MTHFD1: variants seen among roughly 807,000 people sequenced by gnomAD.
The protein encoded by MTHFD1 is methylenetetrahydrofolate dehydrogenase, cyclohydrolase and formyltetrahydrofolate synthetase 1.
Under a neutral mutation model 110.3 loss-of-function variants are expected in MTHFD1, and 44 were observed. That is an observed-to-expected ratio of 0.40 (90% CI 0.31 to 0.51). MTHFD1 has a LOEUF of 0.51. MTHFD1 is among the 20% of genes least tolerant of loss of function. The probability of loss-of-function intolerance (pLI) is 0.60; values close to 1 mark genes in which losing one functional copy is unlikely to be tolerated. For missense variants in MTHFD1, 909 were observed against 1,173.1 expected (o/e 0.77, Z 3.29); for synonymous variants, 402 against 428.8 (o/e 0.94, Z 0.77).
intron 6 of MTHFD1, among the ~76,000 whole-genome samples, chr14:64,416,775 A>T (rs1268099825): frequency 2.0e-5 from 3 of 152,198 alleles, no homozygotes; most frequent in Non-Finnish European, 2.9e-5. Flanking sequence ...TGCCTTGCTT[A>T]AAAGAAAAAA....
At position 64,439,136 on chromosome 14, in the gene MTHFD1, T is replaced by G. The variant is rs1042215664; in HGVS notation, c.1638T>G (p.Ile546Met). ...ATAGATTCCTGAGGAAGATCACGATTGGACAGGCTCCAACGGAGAAGGGTC... is the reference window on the plus strand; with the variant it reads ...ATAGATTCCTGAGGAAGATCACGATGGGACAGGCTCCAACGGAGAAGGGTC... ...TNDRFLRKIT[I>M]GQAPTEKGHT... The change falls in exon 17 of 28, where the codon ATT becomes ATG. Residue 546 changes from isoleucine to methionine, a missense_variant. Transcript: ENST00000652337. 6.2e-7 allele frequency: 1 copy of G among 1,614,198 alleles called. No individual in the cohort carries two copies. The highest frequency in any genetic ancestry group is 8.5e-7 in the Non-Finnish European group (1 of 1,179,998).
intron 2 of MTHFD1, among the ~76,000 whole-genome samples, chr14:64,407,229 G>C (rs2140950262): frequency 6.6e-6 from 1 of 152,224 alleles, no homozygotes; most frequent in African/African-American, 2.4e-5. Flanking sequence ...ACTTTAGGAG[G>C]CCAAGGCGAG....
intron 16 of MTHFD1, among the ~76,000 whole-genome samples, chr14:64,437,898 A>C (rs1387026916): frequency 6.6e-6 from 1 of 151,416 alleles, no homozygotes; most frequent in Non-Finnish European, 1.5e-5. Context: ...TTTGAGACGG[A>C]GTTTTGTTCT....
chr14:64,435,679 A>T lies in MTHFD1; in HGVS notation c.1597+8A>T, dbSNP rs375396996. On this transcript the variant is annotated splice_region_variant and intron_variant, in intron 16 of 27. Coordinates refer to ENST00000652337, the MANE Select transcript of MTHFD1 (RefSeq NM_005956.4). Reference sequence around the variant, plus strand: ...CCATAACTTGGCAAAGAGGTACCAGAGCAGTATACAAGCCCCGTTTGTTTT... The same window carrying T: ...CCATAACTTGGCAAAGAGGTACCAGTGCAGTATACAAGCCCCGTTTGTTTT... 1 of 1,547,216 alleles carries T rather than the reference A, an allele frequency of 6.5e-7. No individual in the cohort carries two copies. Among genetic ancestry groups the T allele is most frequent in the Non-Finnish European group, 8.9e-7 (1 of 1,119,126 alleles).
At chr14:64,398,366 C>A (rs2077873322) in intron 1 of MTHFD1, among the ~76,000 whole-genome samples, 1 of 151,948 alleles carries the variant, frequency 6.6e-6, no homozygotes, top group Admixed American at 6.6e-5. Context: ...GGCAACATGG[C>A]AAAATCCCAT....
At chr14:64,431,410 A>T in intron 13 of MTHFD1, 122 bp from the exon 14 acceptor site, 2 of 805,582 alleles carry the variant, frequency 2.5e-6, no homozygotes, top group South Asian at 2.9e-5. Flanking sequence ...GTGTTTGTCC[A>T]CTAACTGGGC....
intron 27 of MTHFD1, among the ~76,000 whole-genome samples, chr14:64,459,065 G>A (rs922590130): frequency 3.3e-5 from 5 of 152,174 alleles, no homozygotes; most frequent in Non-Finnish European, 7.3e-5. Flanking sequence ...GAAGCTTTTA[G>A]ACAATGGAGG....
At chr14:64,401,307 C>T (rs1382696004) in intron 2 of MTHFD1, among the ~76,000 whole-genome samples, 1 of 152,134 alleles carries the variant, frequency 6.6e-6, no homozygotes, top group African/African-American at 2.4e-5. Flanking sequence ...GTATTACAGG[C>T]GTGAGCCACT....
At position 64,454,861 on chromosome 14, in the gene MTHFD1, C is replaced by G; in HGVS notation, c.2704C>G (p.Pro902Ala). The G allele has an allele frequency of 6.2e-7, 1 of 1,614,154 alleles. No homozygotes were observed. Among genetic ancestry groups the G allele is most frequent in the South Asian group, 1.1e-5 (1 of 91,078 alleles). The change falls in exon 26 of 28, where the codon CCC (proline) becomes GCC (alanine). Residue 902 changes from proline to alanine, a missense_variant. By Grantham distance (27) the Pro-to-Ala change is conservative. Transcript: ENST00000652337. ...CAGCGTTGGGGCTGGTTTTCTGTAC[C>G]CCTTAGTAGGAACGGTAAGTGCATG... The part of the protein sequence containing the change: ...RASVGAGFLY[P>A]LVGTMSTMPG...
At chr14:64,440,956 C>G (rs887724330) in intron 18 of MTHFD1, 2 of 273,058 alleles carry the variant, frequency 7.3e-6, no homozygotes, top group Admixed American at 9.5e-5. Flanking sequence ...CTTTGGGAGG[C>G]TGAGGCGGGT....
At chr14:64,395,612 A>T (rs1035907954) in intron 1 of MTHFD1, among the ~76,000 whole-genome samples, 1 of 152,228 alleles carries the variant, frequency 6.6e-6, no homozygotes, top group African/African-American at 2.4e-5. Flanking sequence ...TTATTGCATT[A>T]GATCAGAGGT....
At chr14:64,439,008 A>G (rs768346832) in intron 16 of MTHFD1, 88 bp from the exon 17 acceptor site, 134 of 905,178 alleles carry the variant, frequency 1.5e-4, no homozygotes, top group Non-Finnish European at 2.4e-4. Flanking sequence ...TCATGAAATT[A>G]GACTTATTGC....
intron 26 of MTHFD1, 147 bp downstream of exon 26, chr14:64,455,022 A>G: frequency 1.2e-6 from 1 of 819,670 alleles, no homozygotes; most frequent in South Asian, 1.4e-5. Flanking sequence ...GCTGTGGATC[A>G]TAAGCTATAA....
chr14:64,439,022 A>T, intron 16 of MTHFD1, 74 bp from the exon 17 acceptor site: 1 of 1,073,604 alleles, frequency 9.3e-7, no homozygotes, highest in Non-Finnish European at 1.5e-6. Context: ...TTATTGCTTT[A>T]AAACTCTGCT....
intron 24 of MTHFD1, among the ~76,000 whole-genome samples, chr14:64,450,904 A>T (rs924885040): frequency 6.6e-6 from 1 of 152,022 alleles, no homozygotes; most frequent in Admixed American, 6.5e-5. Context: ...ACAGTGGCTC[A>T]CCCCTGTAAC....
At chr14:64,434,705 C>A (rs1320478035) in intron 15 of MTHFD1, among the ~76,000 whole-genome samples, 1 of 152,120 alleles carries the variant, frequency 6.6e-6, no homozygotes, top group Non-Finnish European at 1.5e-5. Flanking sequence ...ACTAGACATT[C>A]TTCAGGATGG....
chr14:64,424,370 T>C (rs993595420), intron 8 of MTHFD1: 3 of 244,732 alleles, frequency 1.2e-5, no homozygotes, highest in African/African-American at 6.8e-5. Context: ...AGCTCACACA[T>C]GGAGCTCACA....
At chr14:64,395,667 G>GGCAT (rs1427376127) in intron 1 of MTHFD1, among the ~76,000 whole-genome samples, 1 of 152,128 alleles carries the variant, frequency 6.6e-6, no homozygotes, top group African/African-American at 2.4e-5. Flanking sequence ...CAGGGCATTG[G>GGCAT]GCATGCCTGG....
intron 1 of MTHFD1, among the ~76,000 whole-genome samples, chr14:64,395,071 C>G (rs887029750): frequency 3.3e-5 from 5 of 152,210 alleles, no homozygotes; most frequent in African/African-American, 1.2e-4. Context: ...AGCAGACCCA[C>G]TGGCATCAAC....
Sources: gnomAD v4.1 joint callset for allele counts (sites outside exome capture counted in the v4.1 genomes callset) on GRCh38, gnomAD v4.1.1 for gene constraint, MANE v1.5 for transcripts, NCBI Gene and HGNC (gene_info 2026-07-23, HGNC 2026-07-21) for gene names.